PLEKHG1: variants seen among roughly 807,000 people sequenced by gnomAD.
PLEKHG1 encodes pleckstrin homology domain-containing family G member 1.
Under a neutral mutation model 100.8 loss-of-function variants are expected in PLEKHG1, and 44 were observed. That is an observed-to-expected ratio of 0.44 (90% CI 0.34 to 0.56). The LOEUF is 0.56. Ranked by LOEUF, PLEKHG1 falls within the 20% of genes least tolerant of loss-of-function variation. The probability of loss-of-function intolerance (pLI) is 0.01; values close to 1 mark genes in which losing one functional copy is unlikely to be tolerated. For missense variants in PLEKHG1, 1,545 were observed against 1,720.9 expected (o/e 0.90, Z 1.81); for synonymous variants, 640 against 662.5 (o/e 0.97, Z 0.52).
intron 4 of PLEKHG1, among the ~76,000 whole-genome samples, chr6:150,789,988 T>C (rs1785873170): frequency 6.6e-6 from 1 of 152,102 alleles, no homozygotes; most frequent in African/African-American, 2.4e-5. Context: ...CTGGTGGGTC[T>C]TATACTTCTT....
intron 2 of PLEKHG1, among the ~76,000 whole-genome samples, chr6:150,763,349 A>G (rs1291845529): frequency 6.6e-6 from 1 of 152,096 alleles, no homozygotes; most frequent in Non-Finnish European, 1.5e-5. Context: ...ATATCTTATC[A>G]GTCACAATGT....
intron 1 of PLEKHG1, among the ~76,000 whole-genome samples, chr6:150,622,298 C>T (rs944532500): frequency 6.6e-6 from 1 of 152,162 alleles, no homozygotes; most frequent in African/African-American, 2.4e-5. Context: ...GTATGTTATA[C>T]TACTTTCAGT....
intron 1 of PLEKHG1, among the ~76,000 whole-genome samples, chr6:150,616,892 T>A (rs1777094001): frequency 1.5e-5 from 1 of 68,730 alleles, no homozygotes; most frequent in Admixed American, 2.0e-4. Flanking sequence ...GGTTGCAGTA[T>A]TCTCAATCTA....
At chr6:150,822,706 G>A (rs1230982932) in intron 13 of PLEKHG1, among the ~76,000 whole-genome samples, 8 of 152,214 alleles carry the variant, frequency 5.3e-5, no homozygotes, top group South Asian at 2.1e-4. Flanking sequence ...CAGGCTGGGC[G>A]TGGTGGCTCA....
intron 1 of PLEKHG1, among the ~76,000 whole-genome samples, chr6:150,724,265 G>A (rs112110605): frequency 0.015 from 2,338 of 152,292 alleles, 73 homozygotes; most frequent in African/African-American, 0.054. Context: ...GGCATATATC[G>A]TTTCTACTGG....
intron 5 of PLEKHG1, among the ~76,000 whole-genome samples, chr6:150,796,928 C>T (rs1228451076): frequency 1.3e-5 from 2 of 152,138 alleles, no homozygotes; most frequent in Non-Finnish European, 2.9e-5. Flanking sequence ...CTCCCCCTGC[C>T]TTTTTATTTT....
rs774208471 is a variant in PLEKHG1, at chr6:150,831,307, T to C, written c.2196T>C (p.His732=). The change falls in exon 15 of 16, where the codon CAT becomes CAC. Residue 732 remains histidine (H), a synonymous_variant. Coordinates refer to ENST00000358517, the Ensembl canonical transcript of PLEKHG1. This position sits in a 1 kb window ranked among gnomAD's most constrained non-coding sequence, Gnocchi z 4.1. The stretch of plus-strand genomic sequence containing the variant: ...GAGAGGCATCCAGCCAAAGCACGCA[T>C]GAACTCCAAGCGGTTGAGGAGAACA... The C allele has an allele frequency of 3.1e-6, 5 of 1,614,110 alleles. No homozygotes were observed. In the South Asian group the frequency reaches 5.5e-5, roughly 18 times the overall value.
Position 150,744,168 on chromosome 6 carries a change from G to A in PLEKHG1, c.411+10076G>A, listed in dbSNP as rs369335976. Among the ~76,000 whole-genome samples, 58 of 152,212 alleles carry A rather than the reference G, an allele frequency of 3.8e-4. No individual in the cohort carries two copies. The East Asian group carries it at 4.1e-3, about 11-fold the overall frequency. ...CTGCTCACTGCAAGCCCCGCCTCCC[G>A]GGTTCAAGTGATTCTCCTGCCTTAG... On this transcript the variant is annotated intron_variant, in intron 2 of 15. Coordinates refer to ENST00000358517, the Ensembl canonical transcript of PLEKHG1.
At chr6:150,628,681 G>A (rs577095837) in intron 1 of PLEKHG1, among the ~76,000 whole-genome samples, 1 of 152,122 alleles carries the variant, frequency 6.6e-6, no homozygotes, top group East Asian at 1.9e-4. Context: ...AAATGGAGTT[G>A]GTTAATATTC....
chr6:150,724,855 C>T (rs1450933348), intron 1 of PLEKHG1, among the ~76,000 whole-genome samples: 1 of 152,216 alleles, frequency 6.6e-6, no homozygotes, highest in East Asian at 1.9e-4. Context: ...GCCACCGCGC[C>T]TGGCCTAGGG....
At chr6:150,604,557 GT>G (rs1381405036) in intron 1 of PLEKHG1, among the ~76,000 whole-genome samples, 1 of 152,212 alleles carries the variant, frequency 6.6e-6, no homozygotes, top group African/African-American at 2.4e-5. Context: ...GAACTATTCT[GT>G]TTTGTAGTGT....
At position 150,823,553 on chromosome 6, in the gene PLEKHG1, T is replaced by C; in HGVS notation, c.1448-101T>C. ...GGCCCAGAAGTCACTTGGGCTTCAATTACTAGTAATAAGTTTCTAAGTTCT... is the reference window on the plus strand; with the variant it reads ...GGCCCAGAAGTCACTTGGGCTTCAACTACTAGTAATAAGTTTCTAAGTTCT... On this transcript the variant is annotated intron_variant, in intron 13 of 15. Transcript: ENST00000358517. 3 of 776,634 alleles carry C rather than the reference T, an allele frequency of 3.9e-6. No individual in the cohort carries two copies. In the South Asian group the frequency reaches 4.9e-5, roughly 13 times the overall value. 48.1% of individuals were successfully genotyped at this position (776,634 alleles called of 1,614,324 possible). A position where few individuals can be genotyped will look rare whatever the true frequency, so the allele number is the denominator to read the frequency against.
intron 3 of PLEKHG1, among the ~76,000 whole-genome samples, chr6:150,710,284 C>G (rs1039316347): frequency 3.3e-5 from 5 of 152,198 alleles, no homozygotes. Flanking sequence ...CTGGAAGTAG[C>G]CAGACAAACA....
chr6:150,802,622 T>C (rs770903863), intron 6 of PLEKHG1, among the ~76,000 whole-genome samples: 18 of 152,138 alleles, frequency 1.2e-4, no homozygotes, highest in Non-Finnish European at 2.2e-4. Context: ...TGTTTTCTGC[T>C]TTTATAATTG....
intron 10 of PLEKHG1, among the ~76,000 whole-genome samples, chr6:150,814,518 C>A (rs1051741542): frequency 6.6e-6 from 1 of 152,164 alleles, no homozygotes; most frequent in African/African-American, 2.4e-5. Context: ...TCTTATTTCA[C>A]CCTCACCAAA....
intron 2 of PLEKHG1, among the ~76,000 whole-genome samples, chr6:150,763,579 G>C (rs1387896866): frequency 6.6e-6 from 1 of 152,174 alleles, no homozygotes; most frequent in Admixed American, 6.5e-5. Context: ...GTCCAGTCCA[G>C]GGGGTACCAA....
intron 15 of PLEKHG1, among the ~76,000 whole-genome samples, chr6:150,838,971 G>A (rs1777372713): frequency 6.6e-6 from 1 of 152,194 alleles, no homozygotes; most frequent in Non-Finnish European, 1.5e-5. Flanking sequence ...CCAGACAATG[G>A]CAGTGGAGGG....
At chr6:150,673,817 T>C (rs1029735075) in intron 3 of PLEKHG1, among the ~76,000 whole-genome samples, 23 of 152,138 alleles carry the variant, frequency 1.5e-4, no homozygotes, top group Non-Finnish European at 2.6e-4. Context: ...TAAGCCACCA[T>C]GCCTGGCTAA....
intron 1 of PLEKHG1, chr6:150,721,281 A>G: frequency 1.8e-6 from 1 of 570,962 alleles, no homozygotes; most frequent in Non-Finnish European, 2.2e-6. Context: ...AGAGAGGTCC[A>G]CCGAGGTGAG....
Sources: gnomAD v4.1 joint callset for allele counts (sites outside exome capture counted in the v4.1 genomes callset) on GRCh38, gnomAD v4.1.1 for gene constraint, Gnocchi (gnomAD v3.1) non-coding constraint, MANE v1.5 for transcripts, NCBI Gene and HGNC (gene_info 2026-07-23, HGNC 2026-07-21) for gene names.